ETFA: variants seen among roughly 807,000 people sequenced by gnomAD.
ETFA encodes the protein electron transfer flavoprotein subunit alpha.
In ETFA, 22 loss-of-function variants were observed where a neutral mutation model predicts 46.2. The observed-to-expected ratio is 0.48, with a 90% CI of 0.34 to 0.68. ETFA has a LOEUF of 0.68. Among genes scored for constraint, ETFA ranks in the 30% least tolerant of loss-of-function variants. The pLI, the probability that ETFA is intolerant of heterozygous loss-of-function variation, is 0.01. For synonymous variants in ETFA, 131 were observed against 139.9 expected, an observed-to-expected ratio of 0.94 and a Z score of 0.45; for missense variants, 345 against 401.1, an observed-to-expected ratio of 0.86 and a Z score of 1.19.
At chr15:76,268,614 C>T (rs895340347) in intron 9 of ETFA, among the ~76,000 whole-genome samples, 1 of 152,182 alleles carries the variant, frequency 6.6e-6, no homozygotes, top group Non-Finnish European at 1.5e-5. Flanking sequence ...GAGACCCTAA[C>T]AGGTAGGCAG....
chr15:76,288,338 G>T (rs2039721531), intron 4 of ETFA, among the ~76,000 whole-genome samples: 1 of 152,088 alleles, frequency 6.6e-6, no homozygotes, highest in Non-Finnish European at 1.5e-5. Context: ...GATTATGCTT[G>T]TATACATTTA....
intron 11 of ETFA, among the ~76,000 whole-genome samples, chr15:76,223,882 C>A (rs934458392): frequency 6.6e-6 from 1 of 152,220 alleles, no homozygotes; most frequent in Non-Finnish European, 1.5e-5. Flanking sequence ...CAGGTGTCCA[C>A]TGGAAGAACA....
intron 9 of ETFA, among the ~76,000 whole-genome samples, chr15:76,248,896 T>A (rs982745035): frequency 1.4e-5 from 2 of 148,008 alleles, no homozygotes; most frequent in African/African-American, 5.0e-5. Context: ...AAAAAAAAAA[T>A]TCCAAGAATC....
In ETFA at chr15:76,292,676, C is replaced by G; in HGVS notation, c.211G>C (p.Ala71Pro). The G allele has an allele frequency of 9.3e-6, 15 of 1,613,134 alleles. No homozygotes were observed. The highest frequency in any genetic ancestry group is 1.3e-5 in the Non-Finnish European group (15 of 1,179,068). Reference protein sequence around the residue: ...DKVAQDLCKVAGIAKVLVAQH... With the variant: ...DKVAQDLCKVPGIAKVLVAQH... ...GCCACCAGAACTTTTGCTATGCCTG[C>G]TACTTTACAGAGATCTTGTGCCACC... The change falls in exon 3 of 12, where the codon GCA (alanine) becomes CCA (proline). Residue 71 changes from alanine to proline, a missense_variant. Ala to Pro is a conservative substitution (Grantham distance 27). Coordinates refer to ENST00000557943, the MANE Select transcript of ETFA (RefSeq NM_000126.4).
intron 9 of ETFA, among the ~76,000 whole-genome samples, chr15:76,237,155 C>T (rs969201149): frequency 2.0e-5 from 3 of 152,116 alleles, no homozygotes; most frequent in African/African-American, 4.8e-5. Flanking sequence ...TGGGTTCAAG[C>T]GATTTTCGTG....
chr15:76,289,457 G>C (rs1369280178), intron 4 of ETFA, among the ~76,000 whole-genome samples: 1 of 152,060 alleles, frequency 6.6e-6, no homozygotes, highest in Admixed American at 6.5e-5. Flanking sequence ...AATGTCTTTT[G>C]TATTTTCATT....
At chr15:76,299,278 G>A (rs1215220202) in intron 1 of ETFA, among the ~76,000 whole-genome samples, 1 of 152,028 alleles carries the variant, frequency 6.6e-6, no homozygotes, top group African/African-American at 2.4e-5. Context: ...ATCCTCTCCT[G>A]ATGTTTCTTC....
intron 11 of ETFA, among the ~76,000 whole-genome samples, chr15:76,219,782 A>G (rs1298800854): frequency 2.0e-5 from 3 of 152,196 alleles, no homozygotes; most frequent in Non-Finnish European, 2.9e-5. Context: ...ACAATGAGAC[A>G]CCACTTCACA....
chr15:76,308,879 T>C (rs1348735447), intron 1 of ETFA, among the ~76,000 whole-genome samples: 3 of 152,220 alleles, frequency 2.0e-5, no homozygotes, highest in Non-Finnish European at 2.9e-5. Flanking sequence ...ATTTGCAACA[T>C]ACTTTCAAAT....
At chr15:76,261,052 C>T in intron 9 of ETFA, 1 of 1,580,648 alleles carries the variant, frequency 6.3e-7, no homozygotes, top group Non-Finnish European at 8.7e-7. Context: ...TGAAGGAGAA[C>T]AGTGGCTATG....
At chr15:76,274,217 G>A in intron 9 of ETFA, 195 bp downstream of exon 9, 1 of 580,120 alleles carries the variant, frequency 1.7e-6, no homozygotes, top group Non-Finnish European at 3.1e-6. Flanking sequence ...ATAATAAGCT[G>A]GATTTAAGAA....
At chr15:76,281,378 C>G (rs983917827) in intron 8 of ETFA, among the ~76,000 whole-genome samples, 2 of 152,052 alleles carry the variant, frequency 1.3e-5, no homozygotes, top group African/African-American at 4.8e-5. Flanking sequence ...CAATTCTCCA[C>G]CCCCCATAAC....
At chr15:76,309,804 T>C (rs2039972553) in intron 1 of ETFA, 1 of 152,192 alleles carries the variant, frequency 6.6e-6, no homozygotes, top group South Asian at 2.1e-4. Flanking sequence ...CACTTGTTTA[T>C]GTCTAGATCC....
intron 10 of ETFA, among the ~76,000 whole-genome samples, chr15:76,227,051 C>G (rs940282766): frequency 6.6e-6 from 1 of 152,168 alleles, no homozygotes; most frequent in South Asian, 2.1e-4. Flanking sequence ...AAGCAAATTA[C>G]TTATATCTCT....
chr15:76,271,637 T>G (rs934015243), intron 9 of ETFA, among the ~76,000 whole-genome samples: 4 of 152,212 alleles, frequency 2.6e-5, no homozygotes, highest in Non-Finnish European at 5.9e-5. Context: ...CAGGGTCTGA[T>G]GCTTAGATGG....
intron 9 of ETFA, among the ~76,000 whole-genome samples, chr15:76,247,611 C>T (rs896700881): frequency 6.6e-6 from 1 of 152,036 alleles, no homozygotes; most frequent in Non-Finnish European, 1.5e-5. Context: ...TTTTTTTTTA[C>T]GTGGTCTTGG....
In ETFA at chr15:76,299,139, T is replaced by A. The variant is rs534056828; in HGVS notation, c.40-3402A>T. The stretch of plus-strand genomic sequence containing the variant: ...CAAACACTGCTATTTAAATAAAAAT[T>A]AACTATGCAGGCCTATGCCATCCAT... On this transcript the variant is annotated intron_variant, in intron 1 of 11. Coordinates refer to ENST00000557943, the MANE Select transcript of ETFA (RefSeq NM_000126.4). Among the ~76,000 whole-genome samples the A allele has an allele frequency of 3.3e-5, 5 of 152,292 alleles. No individual in the cohort carries two copies. In the South Asian group the frequency reaches 1.0e-3, roughly 32 times the overall value.
At chr15:76,281,787 G>A (rs573791078) in intron 8 of ETFA, among the ~76,000 whole-genome samples, 100 of 151,498 alleles carry the variant, frequency 6.6e-4, no homozygotes, top group African/African-American at 2.4e-3. Context: ...CTAATACCCA[G>A]AACCTGTGAA....
chr15:76,311,363 T>TGCCCCGGAGCC lies in ETFA; in HGVS notation c.15_25dup (p.Gln9ArgfsTer20), dbSNP rs1384386872. 3.2e-6 allele frequency: 5 copies of TGCCCCGGAGCC among 1,560,300 alleles called. No homozygotes were observed. Among genetic ancestry groups the TGCCCCGGAGCC allele is most frequent in the South Asian group, 1.2e-5 (1 of 84,924 alleles). ...GTCCGGACTCACCGCCCGCCGGAGCTGCCCCGGAGCCGCCGCTCGGAACAT... is the reference window on the plus strand; with the variant it reads ...GTCCGGACTCACCGCCCGCCGGAGCTGCCCCGGAGCCGCCCCGGAGCCGCCGCTCGGAACAT... On this transcript the variant is annotated frameshift_variant, in exon 1 of 12. Coordinates refer to ENST00000557943, the MANE Select transcript of ETFA (RefSeq NM_000126.4). LOFTEE classifies it high-confidence loss of function.
Sources: gnomAD v4.1 joint callset for allele counts (sites outside exome capture counted in the v4.1 genomes callset) on GRCh38, gnomAD v4.1.1 for gene constraint, MANE v1.5 for transcripts, NCBI Gene and HGNC (gene_info 2026-07-23, HGNC 2026-07-21) for gene names.